Variants in CCDC39 observed in about 807,000 individuals in gnomAD.
CCDC39 encodes the protein coiled-coil domain-containing protein 39.
In CCDC39, 113 loss-of-function variants were observed where a neutral mutation model predicts 121.0. That is an observed-to-expected ratio of 0.93 (90% CI 0.80 to 1.09). The LOEUF (loss-of-function observed/expected upper bound fraction) is 1.09. Among genes scored for constraint, CCDC39 ranks in the 50% least tolerant of loss-of-function variants. The pLI is 0.00. For missense variants in CCDC39, 1,063 were observed against 1,074.7 expected (o/e 0.99, Z 0.15); for synonymous variants, 349 against 352.2 (o/e 0.99, Z 0.10).
intron 13 of CCDC39, among the ~76,000 whole-genome samples, chr3:180,639,223 G>C (rs1427424376): frequency 6.6e-6 from 1 of 152,052 alleles, no homozygotes; most frequent in Admixed American, 6.5e-5. Flanking sequence ...AAAAATAAAA[G>C]AATTATATTT....
chr3:180,670,312 G>GT (rs1712003307), intron 1 of CCDC39, among the ~76,000 whole-genome samples: 3 of 148,396 alleles, frequency 2.0e-5, no homozygotes, highest in Middle Eastern at 6.9e-3. Flanking sequence ...GTATGGAAGG[G>GT]GTGTGTGTGT....
chr3:180,663,745 G>A lies in CCDC39; in HGVS notation c.210+122C>T, dbSNP rs948054324. 15 of 917,950 alleles carry A rather than the reference G, an allele frequency of 1.6e-5. 1 individual carries two copies. The African/African-American group carries it at 1.9e-4, about 11-fold the overall frequency. 56.9% of individuals were successfully genotyped at this position (917,950 alleles called of 1,614,324 possible). On this transcript the variant is annotated intron_variant, in intron 2 of 19. Transcript: ENST00000476379. ...TATCTACTTTCATGTTCAAGGTTAT[G>A]TTCACAATAGTTTAATTATGCTAAG...
Position 180,661,995 on chromosome 3 carries a change from C to CT in CCDC39, c.222dup (p.Ala75SerfsTer5). 6.4e-7 allele frequency: 1 copy of CT among 1,551,492 alleles called. No individual in the cohort carries two copies. Among genetic ancestry groups the CT allele is most frequent in the Non-Finnish European group, 8.7e-7 (1 of 1,146,902 alleles). On this transcript the variant is annotated frameshift_variant, in exon 3 of 20. Coordinates refer to ENST00000476379, the MANE Select transcript of CCDC39 (RefSeq NM_181426.2). LOFTEE classifies it high-confidence loss of function. The stretch of plus-strand genomic sequence containing the variant: ...TCACTTTCAGTCTCACGCTCCCTTG[C>CT]TTTGCAAAGAGACTACAGAATAACA...
intron 9 of CCDC39, among the ~76,000 whole-genome samples, chr3:180,648,703 A>C (rs1718131455): frequency 6.6e-6 from 1 of 152,204 alleles, no homozygotes; most frequent in African/African-American, 2.4e-5. Flanking sequence ...AGTTTCCTAA[A>C]GTCTTGAGGG....
rs1717697737 is a variant in CCDC39, at chr3:180,631,563, A to G, written c.1904T>C (p.Ile635Thr). 2 of 1,609,052 alleles carry G rather than the reference A, an allele frequency of 1.2e-6. No homozygotes were observed. The highest frequency in any genetic ancestry group is 2.2e-5 in the East Asian group (1 of 44,856). ...STEFRERLSKIEKLKNRYEIL... is the reference protein window; with the variant it reads ...STEFRERLSKTEKLKNRYEIL... ...TTCATATCTATTCTTCAGCTTCTCA[A>G]TTTTACTTAGCCGCTCGCGAAACTC... is the stretch of plus-strand genomic sequence containing the variant. Residue 635 changes from isoleucine to threonine, a missense_variant, in exon 14 of 20, where the codon ATT (isoleucine) becomes ACT (threonine). Physicochemically the swap from Ile to Thr is moderately conservative, Grantham distance 89. Coordinates refer to ENST00000476379, the MANE Select transcript of CCDC39 (RefSeq NM_181426.2).
intron 2 of CCDC39, among the ~76,000 whole-genome samples, chr3:180,663,583 T>A (rs1187424551): frequency 6.6e-6 from 1 of 151,212 alleles, no homozygotes; most frequent in African/African-American, 2.4e-5. Context: ...GGCATGAGAA[T>A]CTTTTGAACC....
intron 6 of CCDC39, among the ~76,000 whole-genome samples, chr3:180,656,408 T>G (rs966087225): frequency 4.6e-5 from 7 of 152,200 alleles, no homozygotes; most frequent in African/African-American, 1.7e-4. Context: ...AGAATACAAT[T>G]TCAGGATTTT....
At chr3:180,664,126 G>A (rs1200206862) in intron 1 of CCDC39, 140 bp from the exon 2 acceptor site, 2 of 706,236 alleles carry the variant, frequency 2.8e-6, no homozygotes, top group African/African-American at 3.7e-5. Flanking sequence ...TCATAGACTA[G>A]GTAGCTTAAA....
intron 1 of CCDC39, among the ~76,000 whole-genome samples, chr3:180,674,842 G>A (rs943399206): frequency 6.6e-6 from 1 of 152,154 alleles, no homozygotes; most frequent in Non-Finnish European, 1.5e-5. Context: ...CTTGATCATC[G>A]TGGATAAGCT....
chr3:180,675,748 T>G (rs1327504149), intron 1 of CCDC39, among the ~76,000 whole-genome samples: 1 of 152,092 alleles, frequency 6.6e-6, no homozygotes, highest in Non-Finnish European at 1.5e-5. Flanking sequence ...CAAACTATAC[T>G]ACAAGGCTAC....
At chr3:180,628,594 C>G (rs1717620552) in intron 14 of CCDC39, among the ~76,000 whole-genome samples, 1 of 152,150 alleles carries the variant, frequency 6.6e-6, no homozygotes, top group Non-Finnish European at 1.5e-5. Flanking sequence ...GGTCAACAAG[C>G]TTTGTCTGTA....
In CCDC39 at chr3:180,655,255, T is replaced by C. The variant is rs200577066; in HGVS notation, c.739-302A>G. ...AGGTAAAAACCTACAAATGTAACAG[T>C]GTTGAATATTTTTCACATGGAAAGC... is the stretch of plus-strand genomic sequence containing the variant. On this transcript the variant is annotated intron_variant, in intron 6 of 19. Transcript: ENST00000476379. Among the ~76,000 whole-genome samples the C allele has an allele frequency of 5.9e-5, 9 of 152,200 alleles. No individual in the cohort carries two copies. In the East Asian group the frequency reaches 1.7e-3, roughly 29 times the overall value.
At chr3:180,645,297 A>G (rs1222934609) in intron 11 of CCDC39, among the ~76,000 whole-genome samples, 1 of 152,148 alleles carries the variant, frequency 6.6e-6, no homozygotes, top group East Asian at 1.9e-4. Flanking sequence ...AACTAATTCC[A>G]TCATATGCAT....
At chr3:180,618,748 T>C (rs1175412851) in intron 16 of CCDC39, among the ~76,000 whole-genome samples, 6 of 152,182 alleles carry the variant, frequency 3.9e-5, no homozygotes, top group Non-Finnish European at 8.8e-5. Flanking sequence ...CATCCTTTTT[T>C]ATGGCTGCAT....
chr3:180,615,615 CTT>C (rs1314615471), intron 19 of CCDC39, among the ~76,000 whole-genome samples: 4 of 151,876 alleles, frequency 2.6e-5, no homozygotes, highest in Non-Finnish European at 4.4e-5. Context: ...AAATGAAACA[CTT>C]TTTTTAGGGG....
At position 180,642,014 on chromosome 3, in the gene CCDC39, T is replaced by G. The variant is rs1278708526; in HGVS notation, c.1853A>C (p.Asp618Ala). ...TTACCTTATGTTTTCCCGTTCTTGA[T>G]CAACATATCTTATTTGTGACGCAAG... Reference protein sequence around the residue: ...TMLASQIRYVDQERENISTEF... With the variant: ...TMLASQIRYVAQERENISTEF... The change falls in exon 13 of 20, where the codon GAT (aspartate) becomes GCT (alanine). Residue 618 changes from aspartate (D) to alanine (A), a missense_variant. Physicochemically the swap from Asp to Ala is moderately radical, Grantham distance 126. Coordinates refer to ENST00000476379, the MANE Select transcript of CCDC39 (RefSeq NM_181426.2). The G allele has an allele frequency of 1.3e-6, 2 of 1,586,446 alleles. No individual in the cohort carries two copies. The highest frequency in any genetic ancestry group is 2.7e-5 in the African/African-American group (2 of 73,906).
chr3:180,675,596 C>G (rs1712173726), intron 1 of CCDC39, among the ~76,000 whole-genome samples: 1 of 152,074 alleles, frequency 6.6e-6, no homozygotes, highest in Admixed American at 6.6e-5. Flanking sequence ...TAGATCTTTC[C>G]TGCTTTCTCT....
At position 180,671,630 on chromosome 3, in the gene CCDC39, G is replaced by A. The variant is rs77051545; in HGVS notation, c.91-7644C>T. ...CTTACAGGTGCAGTGGTGTGATCTC[G>A]GCTCACTGCAACCTCTATCTCCTGT... is the stretch of plus-strand genomic sequence containing the variant. On this transcript the variant is annotated intron_variant, in intron 1 of 19. Transcript: ENST00000476379. 3.0e-4 allele frequency among the ~76,000 whole-genome samples: 46 copies of A among 151,490 alleles called. No individual in the cohort carries two copies. In the East Asian group the frequency reaches 6.4e-3, roughly 21 times the overall value.
intron 3 of CCDC39, 54 bp downstream of exon 3, chr3:180,661,807 G>A (rs1011238781): frequency 3.4e-6 from 5 of 1,458,386 alleles, no homozygotes; most frequent in Non-Finnish European, 3.7e-6. Context: ...TGCTCATTTG[G>A]TGATGGAAGA....
Sources: gnomAD v4.1 joint callset for allele counts (sites outside exome capture counted in the v4.1 genomes callset) on GRCh38, gnomAD v4.1.1 for gene constraint, MANE v1.5 for transcripts, NCBI Gene and HGNC (gene_info 2026-07-23, HGNC 2026-07-21) for gene names.